Variants in KLF5 observed in about 807,000 individuals in gnomAD.
KLF5 encodes the protein Krueppel-like factor 5.
A neutral mutation model predicts 36.9 loss-of-function variants in KLF5; 9 were observed. The observed-to-expected ratio is 0.24, with a 90% CI of 0.15 to 0.43. The LOEUF (loss-of-function observed/expected upper bound fraction) is 0.43, where lower values mean the gene tolerates loss of function less well. KLF5 is among the 20% of genes least tolerant of loss of function. The pLI is 1.00. For missense variants in KLF5, 524 were observed against 599.5 expected (o/e 0.87, Z 1.31); for synonymous variants, 246 against 241.7 (o/e 1.02, Z -0.17).
chr13:73,062,025 C>T lies in KLF5; in HGVS notation c.426C>T (p.Asp142=), dbSNP rs1280369779. 6 of 1,614,122 alleles carry T rather than the reference C, an allele frequency of 3.7e-6. No homozygotes were observed. The highest frequency in any genetic ancestry group is 5.1e-6 in the Non-Finnish European group (6 of 1,180,030). ...TCAACATGAACGTCTTCCTCCCTGA[C>T]ATCACTCACCTGAGAACTGGCCTCT... The part of the protein sequence containing the change: ...YSINMNVFLP[D]ITHLRTGLYK... The change falls in exon 2 of 4, where the codon GAC becomes GAT. Residue 142 remains aspartate (D), a synonymous_variant. Coordinates refer to ENST00000377687, the MANE Select transcript of KLF5 (RefSeq NM_001730.5).
rs1156721032 is a variant in KLF5, at chr13:73,059,486, C to G, written c.159C>G (p.His53Gln). ...AALFPGEELKHAHHRPQAQPA... is the reference protein window; with the variant it reads ...AALFPGEELKQAHHRPQAQPA... Reference sequence around the variant, plus strand: ...TCTTCCCCGGCGAGGAGCTGAAGCACGCGCACCACCGCCCGCAGGCGCAGC... The same window carrying G: ...TCTTCCCCGGCGAGGAGCTGAAGCAGGCGCACCACCGCCCGCAGGCGCAGC... Residue 53 changes from histidine (H) to glutamine (Q), a missense_variant, in exon 1 of 4, where the codon CAC becomes CAG. By Grantham distance (24) the His-to-Gln change is conservative. Coordinates refer to ENST00000377687, the MANE Select transcript of KLF5 (RefSeq NM_001730.5). The G allele has an allele frequency of 6.4e-6, 8 of 1,243,416 alleles. No homozygotes were observed. The African/African-American group carries it at 1.1e-4, about 17-fold the overall frequency. The allele number at this position is 1,243,416 out of a possible 1,614,324, so 77.0% of individuals were successfully genotyped here. A position where few individuals can be genotyped will look rare whatever the true frequency, so the allele number is the denominator to read the frequency against.
chr13:73,070,289 G>A (rs2044713201), intron 3 of KLF5, among the ~76,000 whole-genome samples: 2 of 152,140 alleles, frequency 1.3e-5, no homozygotes, highest in Admixed American at 6.5e-5. Flanking sequence ...CAAATTAAAG[G>A]GAAGGTTATC....
chr13:73,075,817 C>T lies in KLF5; in HGVS notation c.1305C>T (p.Cys435=), dbSNP rs990182393. The change falls in exon 4 of 4, where the codon TGC becomes TGT. Residue 435 remains cysteine, a synonymous_variant. Coordinates refer to ENST00000377687, the MANE Select transcript of KLF5 (RefSeq NM_001730.5). ...ACACAGGCGCCAAGCCCTTCCAGTG[C>T]GGGGTGTGCAACCGCAGCTTCTCGC... The part of the protein sequence containing the change: ...RKHTGAKPFQ[C]GVCNRSFSRS... The T allele has an allele frequency of 1.2e-5, 19 of 1,612,482 alleles. No homozygotes were observed. The highest frequency in any genetic ancestry group is 4.5e-5 in the East Asian group (2 of 44,832).
In KLF5 at chr13:73,059,445, G is replaced by T. The variant is rs1348794667; in HGVS notation, c.118G>T (p.Ala40Ser). ...GCCGGTGCTGGGCGCCGCGAATCCG[G>T]CCCGCGACGCGGCGCTCTTCCCCGG... ...LKPVLGAANP[A>S]RDAALFPGEE... is the part of the protein sequence containing the mutation. The change falls in exon 1 of 4, where the codon GCC becomes TCC. Residue 40 changes from alanine to serine, a missense_variant. Ala to Ser is a moderately conservative substitution (Grantham distance 99, BLOSUM62 1). Coordinates refer to ENST00000377687, the MANE Select transcript of KLF5 (RefSeq NM_001730.5). The T allele has an allele frequency of 1.6e-6, 2 of 1,285,540 alleles. No individual in the cohort carries two copies. Among genetic ancestry groups the T allele is most frequent in the East Asian group, 6.3e-5 (2 of 31,680 alleles). The allele number at this position is 1,285,540 out of a possible 1,614,324, so 79.6% of individuals were successfully genotyped here.
chr13:73,066,048 CATT>C (rs1282713392), intron 3 of KLF5, among the ~76,000 whole-genome samples: 1 of 152,200 alleles, frequency 6.6e-6, no homozygotes, highest in Non-Finnish European at 1.5e-5. Context: ...TGACCATAAA[CATT>C]GTGGCCTTCA....
chr13:73,062,791 CTG>C (rs1038073695), intron 2 of KLF5, 57 bp downstream of exon 2: 17 of 868,538 alleles, frequency 2.0e-5, no homozygotes, highest in African/African-American at 3.6e-5. Flanking sequence ...GTGTGTGTGT[CTG>C]TGTGCGCGCG....
chr13:73,060,764 T>A (rs1566563079), intron 1 of KLF5: 2 of 152,174 alleles, frequency 1.3e-5, no homozygotes, highest in Non-Finnish European at 2.9e-5. Context: ...TTCCATCTAG[T>A]TGGTTTTCTT....
At chr13:73,069,401 A>C (rs141165849) in intron 3 of KLF5, among the ~76,000 whole-genome samples, 144 of 152,320 alleles carry the variant, frequency 9.5e-4, no homozygotes, top group African/African-American at 3.1e-3. Context: ...TTTAGGACTC[A>C]GTGGTTTTTT....
intron 3 of KLF5, among the ~76,000 whole-genome samples, chr13:73,074,171 TCA>T (rs2044742346): frequency 2.0e-5 from 3 of 152,140 alleles, no homozygotes; most frequent in Non-Finnish European, 4.4e-5. Flanking sequence ...TGTCTGAGAG[TCA>T]GAGTGGTTAT....
chr13:73,059,947 C>A, intron 1 of KLF5: 1 of 259,104 alleles, frequency 3.9e-6, no homozygotes, highest in Non-Finnish European at 6.0e-6. Context: ...TACGCCTTCG[C>A]CTGTACCGCT....
At chr13:73,069,528 AATTT>A (rs2044707671) in intron 3 of KLF5, among the ~76,000 whole-genome samples, 1 of 152,020 alleles carries the variant, frequency 6.6e-6, no homozygotes, top group Admixed American at 6.6e-5. Context: ...GCAGCTTTGA[AATTT>A]ATTTTGTGTA....
chr13:73,074,371 T>G (rs2139118869), intron 3 of KLF5, among the ~76,000 whole-genome samples: 1 of 151,364 alleles, frequency 6.6e-6, no homozygotes, highest in South Asian at 2.1e-4. Context: ...AACTCTGAGG[T>G]TCCTCCCTTT....
At chr13:73,070,643 C>T (rs2044716357) in intron 3 of KLF5, among the ~76,000 whole-genome samples, 1 of 152,180 alleles carries the variant, frequency 6.6e-6, no homozygotes, top group African/African-American at 2.4e-5. Flanking sequence ...CTGGGTTTGG[C>T]AGATCAGTGC....
chr13:73,059,053 G>A lies in KLF5; in HGVS notation c.-275G>A, dbSNP rs919802242. 1 of 314,130 alleles carries A rather than the reference G, an allele frequency of 3.2e-6. No individual in the cohort carries two copies. The highest frequency in any genetic ancestry group is 5.8e-6 in the Non-Finnish European group (1 of 171,686). 19.5% of individuals were successfully genotyped at this position (314,130 alleles called of 1,614,324 possible). ...TCGCGGTTCTCTCGCGGAGGTCGGCGGTGGCGGGAGCGGGCTCCGGAGAGC... is the reference window on the plus strand; with the variant it reads ...TCGCGGTTCTCTCGCGGAGGTCGGCAGTGGCGGGAGCGGGCTCCGGAGAGC... On this transcript the variant is annotated 5_prime_UTR_variant, in exon 1 of 4. Coordinates refer to ENST00000377687, the MANE Select transcript of KLF5 (RefSeq NM_001730.5).
rs1193046068 is a variant in KLF5 at position 73,077,093 on chromosome 13, C to A, written c.*1207C>A. On this transcript the variant is annotated 3_prime_UTR_variant, in exon 4 of 4. Transcript: ENST00000377687. ...ATAAAATAGTAATGTGATGCTGATGCTGTTAACCAAAGGGCAGAATAAATA... is the reference window on the plus strand; with the variant it reads ...ATAAAATAGTAATGTGATGCTGATGATGTTAACCAAAGGGCAGAATAAATA... The A allele has an allele frequency of 6.6e-6, 1 of 152,540 alleles. No individual in the cohort carries two copies. Among genetic ancestry groups the A allele is most frequent in the Non-Finnish European group, 1.5e-5 (1 of 68,036 alleles). The allele number at this position is 152,540 out of a possible 1,614,324, so 9.4% of individuals were successfully genotyped here.
At chr13:73,065,046 G>T (rs1167734942) in intron 3 of KLF5, among the ~76,000 whole-genome samples, 1 of 152,114 alleles carries the variant, frequency 6.6e-6, no homozygotes, top group African/African-American at 2.4e-5. Flanking sequence ...AATAAATACA[G>T]CCTTACCTAA....
At chr13:73,070,055 T>A (rs1211236302) in intron 3 of KLF5, among the ~76,000 whole-genome samples, 1 of 152,202 alleles carries the variant, frequency 6.6e-6, no homozygotes, top group Non-Finnish European at 1.5e-5. Flanking sequence ...TAAAAGTATC[T>A]CCGTAGCAGC....
intron 3 of KLF5, among the ~76,000 whole-genome samples, chr13:73,072,036 A>G (rs766266120): frequency 4.6e-5 from 7 of 152,256 alleles, no homozygotes; most frequent in Non-Finnish European, 7.3e-5. Context: ...ATTTGCTGCA[A>G]TAAACTTTTA....
rs193133760 is a variant in KLF5, at chr13:73,059,048, T to C, written c.-280T>C. On this transcript the variant is annotated 5_prime_UTR_variant, in exon 1 of 4. Coordinates refer to ENST00000377687, the MANE Select transcript of KLF5 (RefSeq NM_001730.5). ...TGCGCTCGCGGTTCTCTCGCGGAGG[T>C]CGGCGGTGGCGGGAGCGGGCTCCGG... 0.011 allele frequency: 3,400 copies of C among 304,884 alleles called. 109 individuals carry two copies. The highest frequency in any genetic ancestry group is 0.068 in the African/African-American group (3,111 of 46,076). The allele number at this position is 304,884 out of a possible 1,614,324, so 18.9% of individuals were successfully genotyped here.
Sources: allele counts gnomAD v4.1 joint callset (sites outside exome capture counted in the v4.1 genomes callset), GRCh38; gene constraint gnomAD v4.1.1; transcripts MANE v1.5; gene names NCBI Gene and HGNC (gene_info 2026-07-23, HGNC 2026-07-21).